The following ST7 variants were observed in gnomAD, a reference collection of about 807,000 sequenced individuals.
The protein encoded by ST7 is suppression of tumorigenicity 7.
In ST7, 28 loss-of-function variants were observed where a neutral mutation model predicts 78.7. The observed-to-expected ratio is 0.36, with a 90% CI of 0.26 to 0.49. The LOEUF (loss-of-function observed/expected upper bound fraction) is 0.49, where lower values mean the gene tolerates loss of function less well. ST7 is among the 20% of genes least tolerant of loss of function. The pLI, the probability that ST7 is intolerant of heterozygous loss-of-function variation, is 0.99. For synonymous variants in ST7, 247 were observed against 249.6 expected (o/e 0.99, Z 0.10); for missense variants, 418 against 696.0 (o/e 0.60, Z 4.49).
chr7:117,094,257 A>G (rs1163768057), intron 1 of ST7, among the ~76,000 whole-genome samples: 1 of 151,882 alleles, frequency 6.6e-6, no homozygotes, highest in Non-Finnish European at 1.5e-5. Context: ...CTGGGCATTC[A>G]CCCTCAGGCC....
At chr7:117,077,832 A>G (rs1799461851) in intron 1 of ST7, among the ~76,000 whole-genome samples, 1 of 140,612 alleles carries the variant, frequency 7.1e-6, no homozygotes, top group East Asian at 2.2e-4. Context: ...TGAAAGAGGT[A>G]TTGATTTCTT....
intron 1 of ST7, among the ~76,000 whole-genome samples, chr7:117,002,250 A>C (rs1468851047): frequency 6.6e-6 from 1 of 152,062 alleles, no homozygotes; most frequent in African/African-American, 2.4e-5. Context: ...ATAAAATAAA[A>C]TACTTTATTT....
At chr7:117,109,475 G>A (rs112143235) in intron 2 of ST7, among the ~76,000 whole-genome samples, 2,064 of 152,174 alleles carry the variant, frequency 0.014, 47 homozygotes, top group African/African-American at 0.046. Context: ...AGAGATGGAT[G>A]AATTCCTGGA....
At chr7:117,121,084 C>G (rs531250795) in intron 3 of ST7, among the ~76,000 whole-genome samples, 5 of 152,168 alleles carry the variant, frequency 3.3e-5, no homozygotes, top group Non-Finnish European at 4.4e-5. Flanking sequence ...CTACAATGTT[C>G]TTTGTCATTC....
At chr7:117,016,440 C>T (rs1795620139) in intron 1 of ST7, among the ~76,000 whole-genome samples, 1 of 152,148 alleles carries the variant, frequency 6.6e-6, no homozygotes, top group Non-Finnish European at 1.5e-5. Flanking sequence ...ACAAAGAACA[C>T]CATCATTGAA....
intron 1 of ST7, among the ~76,000 whole-genome samples, chr7:117,097,908 A>ATATTTTTTTTTT: frequency 6.7e-5 from 2 of 30,012 alleles, no homozygotes; most frequent in African/African-American, 1.6e-4. Context: ...ATATATATAT[A>ATATTTTTTTTTT]TTTTTTTTTT....
At chr7:117,121,054 G>A (rs1051079265) in intron 3 of ST7, among the ~76,000 whole-genome samples, 4 of 152,150 alleles carry the variant, frequency 2.6e-5, no homozygotes, top group Non-Finnish European at 5.9e-5. Context: ...GATGGTTTCT[G>A]TTTTCAATTT....
At chr7:117,183,776 G>T (rs1279966327) in intron 10 of ST7, among the ~76,000 whole-genome samples, 1 of 152,196 alleles carries the variant, frequency 6.6e-6, no homozygotes, top group Non-Finnish European at 1.5e-5. Flanking sequence ...CCTGAGAAAT[G>T]AGTTTTCTTA....
At chr7:117,035,119 G>GTT (rs61562340) in intron 1 of ST7, among the ~76,000 whole-genome samples, 1 of 135,678 alleles carries the variant, frequency 7.4e-6, no homozygotes. Flanking sequence ...AAGCTGGGCA[G>GTT]TTTTTTTTTT....
intron 1 of ST7, among the ~76,000 whole-genome samples, chr7:117,065,475 C>G (rs1173946283): frequency 6.6e-6 from 1 of 152,134 alleles, no homozygotes; most frequent in African/African-American, 2.4e-5. Flanking sequence ...TCCCAAATTG[C>G]TGGGATTACA....
chr7:117,127,312 T>A (rs1266882674), intron 3 of ST7, among the ~76,000 whole-genome samples: 1 of 151,942 alleles, frequency 6.6e-6, no homozygotes, highest in Non-Finnish European at 1.5e-5. Context: ...TCTCTATCAC[T>A]AAACCATCAC....
chr7:117,118,139 T>C lies in ST7; in HGVS notation c.235-1422T>C, dbSNP rs1803046975. On this transcript the variant is annotated intron_variant, in intron 2 of 15. Transcript: ENST00000323984. ...AAATTTGAAAATCTGAAATCTTAAG[T>C]GCTCCAAAATCTGAAACTTTTTGAG... is the stretch of plus-strand genomic sequence containing the variant. Among the ~76,000 whole-genome samples, 3 of 152,356 alleles carry C rather than the reference T, an allele frequency of 2.0e-5. No individual in the cohort carries two copies. In the South Asian group the frequency reaches 6.2e-4, roughly 32 times the overall value.
intron 1 of ST7, among the ~76,000 whole-genome samples, chr7:117,057,368 T>A (rs1290429460): frequency 1.3e-5 from 2 of 152,230 alleles, no homozygotes; most frequent in African/African-American, 4.8e-5. Flanking sequence ...TTTCTTTTGT[T>A]ACCCTGTTTT....
At position 117,111,860 on chromosome 7, in the gene ST7, G is replaced by A. The variant is rs181207467; in HGVS notation, c.235-7701G>A. Among the ~76,000 whole-genome samples, 387 of 150,302 alleles carry A rather than the reference G, an allele frequency of 2.6e-3. 1 individual carries two copies. Among genetic ancestry groups the A allele is most frequent in the African/African-American group, 8.6e-3 (352 of 40,940 alleles). The stretch of plus-strand genomic sequence containing the variant: ...TCTGGATTTTGCTTCGCTTTTGAGA[G>A]TGGTAAGGTGGATATGTGCAGAAAA... On this transcript the variant is annotated intron_variant, in intron 2 of 15. Coordinates refer to ENST00000323984, the MANE Select transcript of ST7 (RefSeq NM_001369598.1).
chr7:117,216,176 A>G (rs1792678735), intron 13 of ST7, among the ~76,000 whole-genome samples: 2 of 152,162 alleles, frequency 1.3e-5, no homozygotes, highest in Admixed American at 1.3e-4. Context: ...AGAAGACAGC[A>G]TTGTGCCACA....
At chr7:117,120,794 A>T (rs1803307858) in intron 3 of ST7, among the ~76,000 whole-genome samples, 1 of 152,190 alleles carries the variant, frequency 6.6e-6, no homozygotes, top group Admixed American at 6.5e-5. Flanking sequence ...AGCATCTTGC[A>T]GTGTCTACTA....
chr7:117,173,765 G>GT (rs529315178), intron 10 of ST7, among the ~76,000 whole-genome samples: 361 of 152,160 alleles, frequency 2.4e-3, no homozygotes, highest in Middle Eastern at 6.8e-3. Flanking sequence ...TTGGGTAGCC[G>GT]TTTTTTGGAT....
rs1804593774 is a variant in ST7 at position 117,134,149 on chromosome 7, C to G, written c.667C>G (p.Leu223Val). 1 of 1,611,836 alleles carries G rather than the reference C, an allele frequency of 6.2e-7. No homozygotes were observed. Among genetic ancestry groups the G allele is most frequent in the Admixed American group, 1.7e-5 (1 of 59,860 alleles). ...AATTAGGTCCAGAGTTGAAGTTCCC[C>G]TAATTGCTTCCTCTACCATCTGGGA... ...NEIRSRVEVP[L>V]IASSTIWEIK... Residue 223 changes from leucine to valine, a missense_variant, in exon 7 of 16, where the codon CTA becomes GTA. This residue lies in a region of ST7 where 288 missense variants were observed against 537.1 expected (regional missense o/e 0.54). Coordinates refer to ENST00000323984, the MANE Select transcript of ST7 (RefSeq NM_001369598.1).
chr7:116,975,439 G>C (rs766728685), intron 1 of ST7, among the ~76,000 whole-genome samples: 1 of 151,704 alleles, frequency 6.6e-6, no homozygotes, highest in South Asian at 2.1e-4. Context: ...ATGGAATCTC[G>C]CTTTGTCTCC....
Sources: allele counts gnomAD v4.1 joint callset (sites outside exome capture counted in the v4.1 genomes callset), GRCh38; gene constraint gnomAD v4.1.1; regional missense constraint gnomAD v4.1.1; transcripts MANE v1.5; gene names NCBI Gene and HGNC (gene_info 2026-07-23, HGNC 2026-07-21).